The following EXOC4 variants were observed in gnomAD, a reference collection of about 807,000 sequenced individuals.
EXOC4 encodes the protein exocyst complex component 4, also known as SEC8-like 1.
A neutral mutation model predicts 107.2 loss-of-function variants in EXOC4; 71 were observed. The observed-to-expected ratio is 0.66, with a 90% CI of 0.55 to 0.81. The LOEUF is 0.81. Ranked by LOEUF, EXOC4 falls within the 30% of genes least tolerant of loss-of-function variation. The pLI is 0.00. For missense variants in EXOC4, 1,108 were observed against 1,189.6 expected, an observed-to-expected ratio of 0.93 and a Z score of 1.01; for synonymous variants, 456 against 441.2, an observed-to-expected ratio of 1.03 and a Z score of -0.42.
Position 133,589,497 on chromosome 7 carries a change from G to C in EXOC4, c.1418-40548G>C, listed in dbSNP as rs150874034. On this transcript the variant is annotated intron_variant, in intron 9 of 17. Coordinates refer to ENST00000253861, the MANE Select transcript of EXOC4 (RefSeq NM_021807.4). ...TCCTGTCTCCTGCTACAGTTCTTCAGAGAAGTGCTTCAGGATCTTGATTAT... is the reference window on the plus strand; with the variant it reads ...TCCTGTCTCCTGCTACAGTTCTTCACAGAAGTGCTTCAGGATCTTGATTAT... 7.4e-3 allele frequency among the ~76,000 whole-genome samples: 1,131 copies of C among 152,336 alleles called. 13 individuals are homozygous for C. The highest frequency in any genetic ancestry group is 9.7e-3 in the Non-Finnish European group (663 of 68,038).
intron 9 of EXOC4, among the ~76,000 whole-genome samples, chr7:133,626,073 G>A (rs539790067): frequency 6.6e-6 from 1 of 152,230 alleles, no homozygotes; most frequent in South Asian, 2.1e-4. Context: ...TAAGCATGTT[G>A]GTGCGTGCCT....
Position 133,998,381 on chromosome 7 carries a change from G to A in EXOC4, c.2348+748G>A, listed in dbSNP as rs1794445562. Reference sequence around the variant, plus strand: ...AGAGTGGCTGGGGCTGACTAGGAATGGGATTCTTTTCTTTAAGATAAAATG... The same window carrying A: ...AGAGTGGCTGGGGCTGACTAGGAATAGGATTCTTTTCTTTAAGATAAAATG... On this transcript the variant is annotated intron_variant, in intron 15 of 17. Coordinates refer to ENST00000253861, the MANE Select transcript of EXOC4 (RefSeq NM_021807.4). Among the ~76,000 whole-genome samples the A allele has an allele frequency of 2.0e-5, 3 of 152,152 alleles. No homozygotes were observed. In the South Asian group the frequency reaches 6.2e-4, roughly 32 times the overall value.
chr7:133,518,469 A>G (rs1026607432), intron 9 of EXOC4, among the ~76,000 whole-genome samples: 1 of 147,870 alleles, frequency 6.8e-6, no homozygotes, highest in African/African-American at 2.5e-5. Context: ...TTCTTTCCTG[A>G]GGAAATTGTG....
intron 11 of EXOC4, among the ~76,000 whole-genome samples, chr7:133,825,048 A>G (rs933137566): frequency 1.3e-5 from 2 of 152,062 alleles, no homozygotes; most frequent in African/African-American, 4.8e-5. Context: ...GGCAGGAAGC[A>G]GTGTGGAAGT....
chr7:133,302,380 C>T (rs774407969), intron 3 of EXOC4, among the ~76,000 whole-genome samples: 6 of 152,028 alleles, frequency 3.9e-5, no homozygotes, highest in Non-Finnish European at 8.8e-5. Context: ...AATAGGTGTT[C>T]GGTGAAAAAA....
chr7:133,578,460 A>T (rs1275261452), intron 9 of EXOC4, among the ~76,000 whole-genome samples: 2 of 152,182 alleles, frequency 1.3e-5, no homozygotes, highest in East Asian at 1.9e-4. Context: ...ATTTCCAGCC[A>T]TTATATTTCT....
intron 9 of EXOC4, among the ~76,000 whole-genome samples, chr7:133,497,921 G>A (rs966003635): frequency 3.9e-5 from 6 of 152,090 alleles, no homozygotes; most frequent in African/African-American, 1.4e-4. Flanking sequence ...GGTCTAATAG[G>A]TTTTCTGTGT....
chr7:133,449,265 G>A (rs1798286763), intron 7 of EXOC4, among the ~76,000 whole-genome samples: 1 of 152,148 alleles, frequency 6.6e-6, no homozygotes, highest in Non-Finnish European at 1.5e-5. Flanking sequence ...GAAAAGGCAA[G>A]GAAGACTCCT....
chr7:134,017,117 T>A (rs1015059572), intron 17 of EXOC4, among the ~76,000 whole-genome samples: 3 of 152,230 alleles, frequency 2.0e-5, no homozygotes, highest in African/African-American at 7.2e-5. Flanking sequence ...TTTCCCAGCT[T>A]TATTCTGCCA....
chr7:133,966,237 G>A (rs1397790815), intron 14 of EXOC4, among the ~76,000 whole-genome samples: 1 of 152,166 alleles, frequency 6.6e-6, no homozygotes, highest in Non-Finnish European at 1.5e-5. Context: ...TTGAGATGAT[G>A]GGGTTTTCTA....
chr7:133,554,895 G>A (rs1800663240), intron 9 of EXOC4, among the ~76,000 whole-genome samples: 1 of 152,144 alleles, frequency 6.6e-6, no homozygotes, highest in Non-Finnish European at 1.5e-5. Context: ...ATTAAAAGAT[G>A]GATTAACGAT....
At chr7:133,406,236 C>T (rs1014877316) in intron 7 of EXOC4, among the ~76,000 whole-genome samples, 2 of 152,150 alleles carry the variant, frequency 1.3e-5, no homozygotes, top group Non-Finnish European at 2.9e-5. Flanking sequence ...GGATAGGCTC[C>T]AATTCCAAAT....
At chr7:133,309,724 G>A (rs1794829596) in intron 4 of EXOC4, among the ~76,000 whole-genome samples, 1 of 152,194 alleles carries the variant, frequency 6.6e-6, no homozygotes, top group South Asian at 2.1e-4. Flanking sequence ...AGGATCATTT[G>A]AGGTCAGGAG....
intron 9 of EXOC4, among the ~76,000 whole-genome samples, chr7:133,490,722 A>C (rs1799356049): frequency 6.6e-6 from 1 of 152,208 alleles, no homozygotes; most frequent in African/African-American, 2.4e-5. Flanking sequence ...CTAGTAAGAG[A>C]TTAAGAATTG....
intron 14 of EXOC4, among the ~76,000 whole-genome samples, chr7:133,962,748 C>T (rs1800976072): frequency 6.6e-6 from 1 of 152,180 alleles, no homozygotes; most frequent in Non-Finnish European, 1.5e-5. Context: ...GAAACGTGAA[C>T]CAAGCCATTT....
intron 17 of EXOC4, among the ~76,000 whole-genome samples, chr7:134,030,665 G>A (rs540048985): frequency 1.3e-4 from 19 of 150,318 alleles, no homozygotes; most frequent in East Asian, 3.9e-4. Context: ...TTGTTGACCC[G>A]CACCCCCCCT....
At chr7:133,997,831 C>CT (rs1159488595) in intron 15 of EXOC4, among the ~76,000 whole-genome samples, 198 bp downstream of exon 15, 1 of 152,172 alleles carries the variant, frequency 6.6e-6, no homozygotes, top group Non-Finnish European at 1.5e-5. Context: ...TGATTCAGAG[C>CT]TGGCATGATC....
chr7:133,650,358 T>C (rs1373884263), intron 10 of EXOC4, among the ~76,000 whole-genome samples: 2 of 151,828 alleles, frequency 1.3e-5, no homozygotes, highest in East Asian at 3.9e-4. Flanking sequence ...AGAGTGTAAA[T>C]TGTGAAATGG....
At chr7:133,435,668 A>G (rs983696526) in intron 7 of EXOC4, among the ~76,000 whole-genome samples, 40 of 152,200 alleles carry the variant, frequency 2.6e-4, no homozygotes, top group Non-Finnish European at 4.6e-4. Context: ...ATGGCAGTCA[A>G]ATGATACCTA....
Sources: gnomAD v4.1 joint callset for allele counts (sites outside exome capture counted in the v4.1 genomes callset) on GRCh38, gnomAD v4.1.1 for gene constraint, MANE v1.5 for transcripts, NCBI Gene and HGNC (gene_info 2026-07-23, HGNC 2026-07-21) for gene names.